The following KCNMB2 variants were observed in gnomAD, a reference collection of about 807,000 sequenced individuals.
KCNMB2 encodes the protein potassium calcium-activated channel subfamily M regulatory beta subunit 2.
Under a neutral mutation model 24.5 loss-of-function variants are expected in KCNMB2, and 9 were observed. That is an observed-to-expected ratio of 0.37 (90% CI 0.22 to 0.64). KCNMB2 has a LOEUF of 0.64. Ranked by LOEUF, KCNMB2 falls within the 30% of genes least tolerant of loss-of-function variation. The probability of loss-of-function intolerance (pLI) is 0.63; values close to 1 mark genes in which losing one functional copy is unlikely to be tolerated. For missense variants in KCNMB2, 226 were observed against 284.3 expected, an observed-to-expected ratio of 0.79 and a Z score of 1.47; for synonymous variants, 109 against 104.4, an observed-to-expected ratio of 1.04 and a Z score of -0.27.
chr3:178,700,520 A>G (rs1219920681), intron 1 of KCNMB2, among the ~76,000 whole-genome samples: 3 of 152,264 alleles, frequency 2.0e-5, no homozygotes, highest in Non-Finnish European at 4.4e-5. Flanking sequence ...GGCTAGCCCA[A>G]TGCCCTTCTT....
chr3:178,685,857 AT>A (rs1390646286), intron 1 of KCNMB2, among the ~76,000 whole-genome samples: 1 of 152,152 alleles, frequency 6.6e-6, no homozygotes, highest in Non-Finnish European at 1.5e-5. Context: ...TAAGTAAGTT[AT>A]TTTTTGCTTT....
At chr3:178,652,745 C>G (rs778994520) in intron 1 of KCNMB2, among the ~76,000 whole-genome samples, 1 of 151,426 alleles carries the variant, frequency 6.6e-6, no homozygotes, top group African/African-American at 2.4e-5. Flanking sequence ...TGACTGCAAC[C>G]TCTTCCTCCT....
intron 1 of KCNMB2, among the ~76,000 whole-genome samples, chr3:178,654,341 C>T (rs752077671): frequency 1.2e-4 from 19 of 152,066 alleles, no homozygotes; most frequent in Non-Finnish European, 2.1e-4. Flanking sequence ...GTAGTAAAAG[C>T]ATCTCATGTC....
intron 1 of KCNMB2, among the ~76,000 whole-genome samples, chr3:178,617,140 C>T (rs1718734381): frequency 6.6e-6 from 1 of 152,066 alleles, no homozygotes; most frequent in Admixed American, 6.6e-5. Context: ...TGCTCAAATT[C>T]CTACCACTCA....
intron 1 of KCNMB2, among the ~76,000 whole-genome samples, chr3:178,758,961 G>A (rs866929928): frequency 1.9e-3 from 1 of 516 alleles, no homozygotes; most frequent in Non-Finnish European, 2.9e-3. Flanking sequence ...TCTCCAAGAG[G>A]GATATATATA....
intron 1 of KCNMB2, among the ~76,000 whole-genome samples, chr3:178,793,422 A>T (rs1383380708): frequency 6.6e-6 from 1 of 151,664 alleles, no homozygotes; most frequent in Non-Finnish European, 1.5e-5. Context: ...GATAAGATAA[A>T]GTTTCTCTAA....
At chr3:178,694,427 C>T (rs1410756924) in intron 1 of KCNMB2, among the ~76,000 whole-genome samples, 1 of 152,184 alleles carries the variant, frequency 6.6e-6, no homozygotes, top group Non-Finnish European at 1.5e-5. Context: ...TTCCAACAGT[C>T]CTCCAAAGTC....
At chr3:178,768,749 C>T (rs114346818) in intron 1 of KCNMB2, among the ~76,000 whole-genome samples, 328 of 152,218 alleles carry the variant, frequency 2.2e-3, no homozygotes, top group Non-Finnish European at 4.1e-3. Flanking sequence ...TCTGCATTTT[C>T]GCCTCATAGA....
At chr3:178,606,426 A>T (rs1333981867) in intron 1 of KCNMB2, among the ~76,000 whole-genome samples, 1 of 151,294 alleles carries the variant, frequency 6.6e-6, no homozygotes, top group Non-Finnish European at 1.5e-5. Flanking sequence ...TTTCCCTTGT[A>T]GCCTGGACTT....
intron 1 of KCNMB2, among the ~76,000 whole-genome samples, chr3:178,749,516 A>G (rs1723773105): frequency 6.6e-6 from 1 of 152,218 alleles, no homozygotes; most frequent in Admixed American, 6.5e-5. Context: ...GTTTCTGGAT[A>G]CCTATATCAT....
intron 1 of KCNMB2, among the ~76,000 whole-genome samples, chr3:178,765,688 C>T (rs7613104): frequency 0.34 from 51,271 of 151,908 alleles, 10,157 homozygotes; most frequent in African/African-American, 0.56. Context: ...CATGTGTGCA[C>T]TGGAGGAACA....
rs186225024 is a variant in KCNMB2 at position 178,549,986 on chromosome 3, C to T, written c.-68+13275C>T. Among the ~76,000 whole-genome samples the T allele has an allele frequency of 2.0e-5, 3 of 152,100 alleles. No homozygotes were observed. In the East Asian group the frequency reaches 5.8e-4, roughly 29 times the overall value. ...TGCATTATTTATGAAAAGAAAAATA[C>T]CTCTTGACCAGTTAACTTAAAGGAA... On this transcript the variant is annotated intron_variant, in intron 1 of 4. Transcript: ENST00000452583.
intron 1 of KCNMB2, among the ~76,000 whole-genome samples, chr3:178,796,991 T>C (rs1035369083): frequency 1.3e-5 from 2 of 151,908 alleles, no homozygotes; most frequent in Non-Finnish European, 2.9e-5. Flanking sequence ...TGAAAAACCA[T>C]TAGCCAGACT....
At chr3:178,701,145 A>C (rs893200607) in intron 1 of KCNMB2, among the ~76,000 whole-genome samples, 1 of 152,324 alleles carries the variant, frequency 6.6e-6, no homozygotes, top group Admixed American at 6.5e-5. Context: ...AAGGTGTAAG[A>C]AAGGGATCCA....
intron 1 of KCNMB2, among the ~76,000 whole-genome samples, chr3:178,571,447 G>GATACATAT (rs1553814107): frequency 1.1e-5 from 1 of 91,102 alleles, no homozygotes; most frequent in Non-Finnish European, 2.4e-5. Context: ...TTTCCTTATG[G>GATACATAT]ATATATATAT....
intron 1 of KCNMB2, among the ~76,000 whole-genome samples, chr3:178,557,388 A>G (rs1446571741): frequency 6.6e-6 from 1 of 152,218 alleles, no homozygotes; most frequent in African/African-American, 2.4e-5. Context: ...GGAAACATTT[A>G]GAAAGACTTT....
At chr3:178,600,752 C>A (rs188246789) in intron 1 of KCNMB2, among the ~76,000 whole-genome samples, 1 of 152,220 alleles carries the variant, frequency 6.6e-6, no homozygotes, top group African/African-American at 2.4e-5. Context: ...AATAGTGCTG[C>A]AATAAACATG....
intron 1 of KCNMB2, among the ~76,000 whole-genome samples, chr3:178,655,095 CCTCT>C (rs67468527): frequency 0.1 from 11,043 of 110,958 alleles, 314 homozygotes; most frequent in Non-Finnish European, 0.12. Flanking sequence ...ATTAGCTCTC[CCTCT>C]CTCTCTCTCT....
chr3:178,753,273 G>T (rs1255601938), intron 1 of KCNMB2, among the ~76,000 whole-genome samples: 2 of 152,170 alleles, frequency 1.3e-5, no homozygotes, highest in East Asian at 3.9e-4. Context: ...AATATTTCTG[G>T]ACCTCATTTA....
Sources: gnomAD v4.1 joint callset for allele counts (sites outside exome capture counted in the v4.1 genomes callset) on GRCh38, gnomAD v4.1.1 for gene constraint, MANE v1.5 for transcripts, NCBI Gene and HGNC (gene_info 2026-07-23, HGNC 2026-07-21) for gene names.